FASLG: variants seen among roughly 807,000 people sequenced by gnomAD.
FASLG encodes Fas ligand.
A neutral mutation model predicts 24.6 loss-of-function variants in FASLG; 9 were observed. The ratio of observed to expected loss-of-function variants is 0.37; its 90% CI spans 0.22 to 0.64. FASLG has a LOEUF of 0.64. FASLG is among the 30% of genes least tolerant of loss of function. FASLG has a pLI of 0.64. For synonymous variants in FASLG, 130 were observed against 135.5 expected, an observed-to-expected ratio of 0.96 and a Z score of 0.28; for missense variants, 306 against 345.3, an observed-to-expected ratio of 0.89 and a Z score of 0.90.
In FASLG at chr1:172,665,910, C is replaced by A. The variant is rs80358237; in HGVS notation, c.740C>A (p.Ala247Glu). 1.2e-6 allele frequency: 2 copies of A among 1,611,570 alleles called. No individual in the cohort carries two copies. The highest frequency in any genetic ancestry group is 8.5e-7 in the Non-Finnish European group (1 of 1,178,108). ...QMWARSSYLG[A>E]VFNLTSADHL... ...TGGGCCCGCAGCAGCTACCTGGGGG[C>A]AGTGTTCAATCTTACCAGTGCTGAT... The change falls in exon 4 of 4, where the codon GCA becomes GAA. Residue 247 changes from alanine to glutamate, a missense_variant. Physicochemically the swap from Ala to Glu is moderately radical, Grantham distance 107. Transcript: ENST00000367721.
At chr1:172,661,532 T>G (rs953983434) in intron 2 of FASLG, among the ~76,000 whole-genome samples, 3 of 152,180 alleles carry the variant, frequency 2.0e-5, no homozygotes, top group Non-Finnish European at 1.5e-5. Context: ...GTCTGATAGG[T>G]ATCTAATTAT....
intron 1 of FASLG, among the ~76,000 whole-genome samples, chr1:172,659,770 C>T (rs1253562570): frequency 6.6e-6 from 1 of 151,896 alleles, no homozygotes; most frequent in East Asian, 1.9e-4. Context: ...GTTTGTCTTT[C>T]CTCAGTTGTC....
chr1:172,659,185 C>G lies in FASLG; in HGVS notation c.-17C>G, dbSNP rs1659079127. 6.2e-7 allele frequency: 1 copy of G among 1,614,054 alleles called. No homozygotes were observed. The highest frequency in any genetic ancestry group is 1.7e-5 in the Admixed American group (1 of 60,000). ...AGTAAAACCGTTTGCTGGGGCTGGC[C>G]TGACTCACCAGCTGCCATGCAGCAG... On this transcript the variant is annotated 5_prime_UTR_variant, in exon 1 of 4. Coordinates refer to ENST00000367721, the MANE Select transcript of FASLG (RefSeq NM_000639.3).
chr1:172,660,292 CCTTGAGCTG>C (rs1659110570), intron 2 of FASLG, 152 bp downstream of exon 2: 3 of 775,836 alleles, frequency 3.9e-6, no homozygotes, highest in Non-Finnish European at 6.8e-6. Context: ...GTCTATGATT[CCTTGAGCTG>C]CTTTAAAAAT....
rs1659105814 is a variant in FASLG at position 172,660,132 on chromosome 1, A to G, written c.386A>G (p.Lys129Arg). 1 of 1,614,046 alleles carries G rather than the reference A, an allele frequency of 6.2e-7. No homozygotes were observed. Among genetic ancestry groups the G allele is most frequent in the Non-Finnish European group, 8.5e-7 (1 of 1,180,004 alleles). The change falls in exon 2 of 4, where the codon AAG becomes AGG. Residue 129 changes from lysine (K) to arginine (R), a missense_variant. By Grantham distance (26) the Lys-to-Arg change is conservative (BLOSUM62 2). Coordinates refer to ENST00000367721, the MANE Select transcript of FASLG (RefSeq NM_000639.3). ...SQMHTASSLE[K>R]QIGHPSPPPE... The stretch of plus-strand genomic sequence containing the variant: ...ATGCACACAGCATCATCTTTGGAGA[A>G]GCAAATAGGTGAGTCTTTTTTCGCA...
At chr1:172,663,016 G>A (rs1336638335) in intron 2 of FASLG, among the ~76,000 whole-genome samples, 2 of 152,282 alleles carry the variant, frequency 1.3e-5, no homozygotes, top group East Asian at 3.9e-4. Context: ...AATGTTCTCT[G>A]TGGATTGGGC....
At chr1:172,659,637 A>C (rs1571329662) in intron 1 of FASLG, 88 bp downstream of exon 1, 1 of 1,495,956 alleles carries the variant, frequency 6.7e-7, no homozygotes. Flanking sequence ...AGTGCTTTTC[A>C]ATCCTTTTTT....
Position 172,659,246 on chromosome 1 carries a change from G to A in FASLG, c.45G>A (p.Val15=), listed in dbSNP as rs1256162106. 2 of 1,614,156 alleles carry A rather than the reference G, an allele frequency of 1.2e-6. No individual in the cohort carries two copies. The highest frequency in any genetic ancestry group is 2.2e-5 in the East Asian group (1 of 44,876). The change falls in exon 1 of 4, where the codon GTG becomes GTA. Residue 15 remains valine, a synonymous_variant. Transcript: ENST00000367721. ...FNYPYPQIYW[V]DSSASSPWAP... ...ACCCATATCCCCAGATCTACTGGGT[G>A]GACAGCAGTGCCAGCTCTCCCTGGG...
rs987327106 is a variant in FASLG, at chr1:172,664,465, T to C, written c.451+75T>C. On this transcript the variant is annotated intron_variant, in intron 3 of 3. Transcript: ENST00000367721. ...GGCAAAATGGCTGCCTGGTTTCCAT[T>C]ACCAGGCTCTAGAGAGTTGTTACTT... The C allele has an allele frequency of 3.6e-6, 5 of 1,380,310 alleles. No individual in the cohort carries two copies. The African/African-American group carries it at 4.3e-5, about 12-fold the overall frequency. 85.5% of individuals were successfully genotyped at this position (1,380,310 alleles called of 1,614,324 possible).
chr1:172,662,804 G>T (rs879848860), intron 2 of FASLG, among the ~76,000 whole-genome samples: 2 of 152,210 alleles, frequency 1.3e-5, no homozygotes, highest in African/African-American at 4.8e-5. Flanking sequence ...GTTGTACTAG[G>T]CTCTGTGAGG....
chr1:172,660,696 A>G (rs1659118723), intron 2 of FASLG, among the ~76,000 whole-genome samples: 2 of 152,244 alleles, frequency 1.3e-5, no homozygotes, highest in South Asian at 4.1e-4. Flanking sequence ...GCTTAAGGGA[A>G]GACTTCAGCC....
At chr1:172,660,572 C>T (rs182562581) in intron 2 of FASLG, among the ~76,000 whole-genome samples, 5 of 152,284 alleles carry the variant, frequency 3.3e-5, no homozygotes. Context: ...TTTAAATGCC[C>T]TAAAGAGATT....
At chr1:172,660,686 G>A (rs1443704537) in intron 2 of FASLG, among the ~76,000 whole-genome samples, 2 of 152,184 alleles carry the variant, frequency 1.3e-5, no homozygotes, top group Non-Finnish European at 2.9e-5. Flanking sequence ...TCACTGAGAA[G>A]CTTAAGGGAA....
Position 172,666,334 on chromosome 1 carries a change from A to T in FASLG, c.*318A>T, listed in dbSNP as rs575256780. 7 of 309,462 alleles carry T rather than the reference A, an allele frequency of 2.3e-5. No individual in the cohort carries two copies. The East Asian group carries it at 3.7e-4, about 17-fold the overall frequency. 19.2% of individuals were successfully genotyped at this position (309,462 alleles called of 1,614,324 possible). On this transcript the variant is annotated 3_prime_UTR_variant, in exon 4 of 4. Coordinates refer to ENST00000367721, the MANE Select transcript of FASLG (RefSeq NM_000639.3). ...AGAGTATTTAGGCAGATTGAAAAGG[A>T]CACCTTTTAACTCACCTCTCAAGGT...
Position 172,659,398 on chromosome 1 carries a change from T to A in FASLG, c.197T>A (p.Leu66Gln), listed in dbSNP as rs758845251. 4 of 1,611,704 alleles carry A rather than the reference T, an allele frequency of 2.5e-6. No homozygotes were observed. The highest frequency in any genetic ancestry group is 3.4e-6 in the Non-Finnish European group (4 of 1,178,682). Reference sequence around the variant, plus strand: ...CCGCCGCCGCCACCACTGCCTCCACTACCGCTGCCACCCCTGAAGAAGAGA... The same window carrying A: ...CCGCCGCCGCCACCACTGCCTCCACAACCGCTGCCACCCCTGAAGAAGAGA... ...PPPPPPPLPP[L>Q]PLPPLKKRGN... Residue 66 changes from leucine (L) to glutamine (Q), a missense_variant, in exon 1 of 4, where the codon CTA becomes CAA. By Grantham distance (113) the Leu-to-Gln change is moderately radical. Coordinates refer to ENST00000367721, the MANE Select transcript of FASLG (RefSeq NM_000639.3).
rs1659092229 is a variant in FASLG, at chr1:172,659,490, T to C, written c.289T>C (p.Leu97=). 1.2e-6 allele frequency: 2 copies of C among 1,614,040 alleles called. No individual in the cohort carries two copies. The highest frequency in any genetic ancestry group is 2.2e-5 in the East Asian group (1 of 44,868). ...FFMVLVALVG[L]GLGMFQLFHL... ...CATGGTTCTGGTTGCCTTGGTAGGA[T>C]TGGGCCTGGGGATGTTTCAGCTCTT... is the stretch of plus-strand genomic sequence containing the variant. Residue 97 remains leucine, a synonymous_variant, in exon 1 of 4, where the codon TTG becomes CTG. Transcript: ENST00000367721.
chr1:172,660,926 A>G (rs904547283), intron 2 of FASLG, among the ~76,000 whole-genome samples: 1 of 152,242 alleles, frequency 6.6e-6, no homozygotes, highest in Non-Finnish European at 1.5e-5. Flanking sequence ...TAGATTTACA[A>G]TGAGATTCAT....
At chr1:172,663,692 G>A (rs1233465152) in intron 2 of FASLG, among the ~76,000 whole-genome samples, 1 of 152,188 alleles carries the variant, frequency 6.6e-6, no homozygotes, top group East Asian at 1.9e-4. Flanking sequence ...GGCATCTTCG[G>A]GGAGGAGCAA....
chr1:172,665,554 C>T (rs962823379), intron 3 of FASLG, 68 bp from the exon 4 acceptor site: 3 of 1,581,168 alleles, frequency 1.9e-6, no homozygotes, highest in Non-Finnish European at 2.6e-6. Flanking sequence ...CACAGTTTTG[C>T]CTTAGAAACT....
Sources: allele counts gnomAD v4.1 joint callset (sites outside exome capture counted in the v4.1 genomes callset), GRCh38; gene constraint gnomAD v4.1.1; transcripts MANE v1.5; gene names NCBI Gene and HGNC (gene_info 2026-07-23, HGNC 2026-07-21).